The following SUDS3 variants were observed in gnomAD, a reference collection of about 807,000 sequenced individuals.
SUDS3 encodes the protein sin3 histone deacetylase corepressor complex component SDS3.
In SUDS3, 23 loss-of-function variants were observed where a neutral mutation model predicts 53.5. That is an observed-to-expected ratio of 0.43 (90% CI 0.31 to 0.61). SUDS3 has a LOEUF of 0.61. Ranked by LOEUF, SUDS3 falls within the 20% of genes least tolerant of loss-of-function variation. SUDS3 has a pLI of 0.10. For missense variants in SUDS3, 291 were observed against 405.9 expected (o/e 0.72, Z 2.43); for synonymous variants, 150 against 148.5 (o/e 1.01, Z -0.08).
In SUDS3 at chr12:118,391,217, T is replaced by C. The variant is rs2046164695; in HGVS notation, c.452T>C (p.Ile151Thr). The change falls in exon 6 of 12, where the codon ATT becomes ACT. Residue 151 changes from isoleucine (I) to threonine (T), a missense_variant. Physicochemically the swap from Ile to Thr is moderately conservative, Grantham distance 89. Transcript: ENST00000543473. ...DKKVELKENLIAELEEKKKMI... is the reference protein window; with the variant it reads ...DKKVELKENLTAELEEKKKMI... Reference sequence around the variant, plus strand: ...AAGGTTGAGCTGAAAGAGAACCTGATTGCTGAGCTAGAAGAAAAGAAGAAA... The same window carrying C: ...AAGGTTGAGCTGAAAGAGAACCTGACTGCTGAGCTAGAAGAAAAGAAGAAA... 1.2e-6 allele frequency: 2 copies of C among 1,613,550 alleles called. No individual in the cohort carries two copies. Among genetic ancestry groups the C allele is most frequent in the African/African-American group, 1.3e-5 (1 of 74,860 alleles).
chr12:118,399,219 A>G (rs947854426), intron 6 of SUDS3, among the ~76,000 whole-genome samples: 1 of 152,046 alleles, frequency 6.6e-6, no homozygotes, highest in African/African-American at 2.4e-5. Context: ...TAGTAAGAAG[A>G]TGGCTGGGTG....
At chr12:118,382,227 T>C (rs2046071710) in intron 2 of SUDS3, among the ~76,000 whole-genome samples, 1 of 152,054 alleles carries the variant, frequency 6.6e-6, no homozygotes, top group African/African-American at 2.4e-5. Context: ...GTTGTATTTT[T>C]AGTAGAGACG....
chr12:118,407,224 G>T (rs940078357), intron 10 of SUDS3, among the ~76,000 whole-genome samples: 4 of 152,130 alleles, frequency 2.6e-5, no homozygotes, highest in African/African-American at 4.8e-5. Context: ...TCTTTTCAGA[G>T]AATTCAAATA....
chr12:118,376,922 C>T (rs2046002580), intron 1 of SUDS3, 89 bp downstream of exon 1: 10 of 1,342,740 alleles, frequency 7.4e-6, no homozygotes, highest in Non-Finnish European at 8.6e-6. Flanking sequence ...GGCGGGGCGG[C>T]CTCCGGGGCC....
At chr12:118,379,526 G>A (rs985241548) in intron 1 of SUDS3, among the ~76,000 whole-genome samples, 9 of 152,156 alleles carry the variant, frequency 5.9e-5, no homozygotes, top group Non-Finnish European at 1.2e-4. Context: ...TGAGGATTTT[G>A]GTATCCACGG....
At chr12:118,414,130 G>T (rs956007048) in intron 11 of SUDS3, among the ~76,000 whole-genome samples, 1 of 152,208 alleles carries the variant, frequency 6.6e-6, no homozygotes, top group Non-Finnish European at 1.5e-5. Context: ...CGAGTTCAAG[G>T]CTGATGCCTG....
intron 10 of SUDS3, among the ~76,000 whole-genome samples, chr12:118,410,818 T>G (rs1406465514): frequency 6.6e-6 from 1 of 151,886 alleles, no homozygotes; most frequent in Non-Finnish European, 1.5e-5. Context: ...AGGATGGTCT[T>G]GATCTCCTGA....
intron 6 of SUDS3, among the ~76,000 whole-genome samples, chr12:118,397,861 C>T (rs1328691925): frequency 6.6e-6 from 1 of 152,152 alleles, no homozygotes; most frequent in Non-Finnish European, 1.5e-5. Context: ...TCCACCCTCC[C>T]CACTCCCCAG....
intron 3 of SUDS3, among the ~76,000 whole-genome samples, 155 bp downstream of exon 3, chr12:118,384,222 A>G (rs1007817314): frequency 3.3e-5 from 5 of 152,182 alleles, no homozygotes; most frequent in Non-Finnish European, 7.3e-5. Context: ...TGCTGTCAGT[A>G]AAGTGGTGAT....
At chr12:118,400,827 A>G in intron 7 of SUDS3, 73 bp downstream of exon 7, 1 of 1,397,046 alleles carries the variant, frequency 7.2e-7, no homozygotes. Flanking sequence ...TCCGTTTGCT[A>G]GGGTACACAT....
At chr12:118,414,040 A>G (rs1273530342) in intron 11 of SUDS3, among the ~76,000 whole-genome samples, 3 of 152,242 alleles carry the variant, frequency 2.0e-5, no homozygotes, top group African/African-American at 7.2e-5. Context: ...AGCATCTTTA[A>G]GATCAAGGCA....
intron 6 of SUDS3, among the ~76,000 whole-genome samples, chr12:118,395,522 G>A (rs1048286920): frequency 1.4e-4 from 21 of 151,726 alleles, no homozygotes; most frequent in African/African-American, 4.6e-4. Flanking sequence ...CACCACGCCC[G>A]GCCAGAATCA....
At chr12:118,397,820 C>G (rs1045967345) in intron 6 of SUDS3, among the ~76,000 whole-genome samples, 6 of 151,968 alleles carry the variant, frequency 3.9e-5, no homozygotes, top group African/African-American at 1.5e-4. Flanking sequence ...CCGTGATTGG[C>G]CTTTACTTGG....
chr12:118,381,003 C>CA (rs1566195517), intron 2 of SUDS3, among the ~76,000 whole-genome samples: 1 of 151,312 alleles, frequency 6.6e-6, no homozygotes, highest in Non-Finnish European at 1.5e-5. Context: ...GCGCCCGGAC[C>CA]TTTTTTTTTC....
chr12:118,410,599 T>TA (rs1490198619), intron 10 of SUDS3, among the ~76,000 whole-genome samples: 2 of 150,620 alleles, frequency 1.3e-5, no homozygotes, highest in Non-Finnish European at 3.0e-5. Context: ...TTTATTTATT[T>TA]ATTTATTTAT....
At chr12:118,398,023 G>A (rs750101187) in intron 6 of SUDS3, among the ~76,000 whole-genome samples, 2 of 152,138 alleles carry the variant, frequency 1.3e-5, no homozygotes, top group African/African-American at 2.4e-5. Flanking sequence ...AGGTGTCAGT[G>A]TTGCACAGCC....
intron 10 of SUDS3, among the ~76,000 whole-genome samples, chr12:118,407,019 C>T (rs1479763154): frequency 6.6e-6 from 1 of 151,808 alleles, no homozygotes; most frequent in Non-Finnish European, 1.5e-5. Flanking sequence ...ACTTTGGCCT[C>T]CCGAGTAGCT....
At chr12:118,399,721 G>A (rs2046246951) in intron 6 of SUDS3, among the ~76,000 whole-genome samples, 1 of 152,144 alleles carries the variant, frequency 6.6e-6, no homozygotes, top group African/African-American at 2.4e-5. Flanking sequence ...AGTCACAGAT[G>A]CAGATTTGTT....
rs1407824520 is a variant in SUDS3 at position 118,418,011 on chromosome 12, T to G, written c.*3578T>G. 2 of 152,180 alleles carry G rather than the reference T, an allele frequency of 1.3e-5. No homozygotes were observed. The highest frequency in any genetic ancestry group is 2.9e-5 in the Non-Finnish European group (2 of 68,026). 9.4% of individuals were successfully genotyped at this position (152,180 alleles called of 1,614,324 possible). On this transcript the variant is annotated 3_prime_UTR_variant, in exon 12 of 12. Transcript: ENST00000543473. ...TGGATCTTGGGTGGAAAAACAATCT[T>G]GAAATAAACTTGTGATTGAGGATAT...
Sources: allele counts gnomAD v4.1 joint callset (sites outside exome capture counted in the v4.1 genomes callset), GRCh38; gene constraint gnomAD v4.1.1; transcripts MANE v1.5; gene names NCBI Gene and HGNC (gene_info 2026-07-23, HGNC 2026-07-21).